Variants in PIK3C2G observed in about 807,000 individuals in gnomAD.
PIK3C2G encodes phosphatidylinositol-4-phosphate 3-kinase catalytic subunit type 2 gamma.
In PIK3C2G, 168 loss-of-function variants were observed where a neutral mutation model predicts 181.1. The observed-to-expected ratio is 0.93, with a 90% CI of 0.82 to 1.05. The LOEUF (loss-of-function observed/expected upper bound fraction) is 1.05, where lower values mean the gene tolerates loss of function less well. PIK3C2G is among the 50% of genes least tolerant of loss of function. PIK3C2G has a pLI of 0.00. For missense variants in PIK3C2G, 1,869 were observed against 1,732.8 expected, an observed-to-expected ratio of 1.08 and a Z score of -1.40; for synonymous variants, 573 against 592.2, an observed-to-expected ratio of 0.97 and a Z score of 0.47.
At chr12:18,530,537 A>C (rs573389698) in intron 24 of PIK3C2G, among the ~76,000 whole-genome samples, 3 of 152,266 alleles carry the variant, frequency 2.0e-5, no homozygotes, top group African/African-American at 7.2e-5. Flanking sequence ...TGTTCAATCC[A>C]TAACCACTTG....
chr12:18,266,109 C>T (rs1455295011), intron 1 of PIK3C2G, among the ~76,000 whole-genome samples: 1 of 148,444 alleles, frequency 6.7e-6, no homozygotes, highest in East Asian at 2.0e-4. Flanking sequence ...TATTTATCAT[C>T]ATTAGATGTC....
intron 32 of PIK3C2G, among the ~76,000 whole-genome samples, chr12:18,643,346 A>G (rs1949933688): frequency 6.6e-6 from 1 of 151,942 alleles, no homozygotes; most frequent in South Asian, 2.1e-4. Context: ...ATTGCTTCGA[A>G]AGCCATGGTC....
At chr12:18,347,339 A>G (rs1441376967) in intron 11 of PIK3C2G, among the ~76,000 whole-genome samples, 2 of 152,200 alleles carry the variant, frequency 1.3e-5, no homozygotes, top group Non-Finnish European at 2.9e-5. Context: ...AATGAACGAC[A>G]ATTACACATG....
chr12:18,497,767 G>C lies in PIK3C2G; in HGVS notation c.3016+19G>C, dbSNP rs1941132954. On this transcript the variant is annotated intron_variant, in intron 22 of 32. Coordinates refer to ENST00000538779, the MANE Select transcript of PIK3C2G (RefSeq NM_001288772.2). ...GACCAAGGTCAGTATAGATTAGAAA[G>C]TGCGCTGGCTCACATTATTTATTTC... The C allele has an allele frequency of 2.6e-6, 4 of 1,561,966 alleles. No homozygotes were observed. Among genetic ancestry groups the C allele is most frequent in the Non-Finnish European group, 3.5e-6 (4 of 1,150,084 alleles).
intron 5 of PIK3C2G, among the ~76,000 whole-genome samples, chr12:18,307,679 A>G (rs1026880417): frequency 8.6e-5 from 13 of 151,758 alleles, no homozygotes; most frequent in African/African-American, 2.7e-4. Flanking sequence ...CCTTTTTGAT[A>G]TCTAGAACTC....
chr12:18,365,613 C>T (rs1276549189), intron 12 of PIK3C2G, among the ~76,000 whole-genome samples: 1 of 152,162 alleles, frequency 6.6e-6, no homozygotes, highest in African/African-American at 2.4e-5. Flanking sequence ...TCTCCATGTC[C>T]TTCTCTTCTC....
intron 18 of PIK3C2G, among the ~76,000 whole-genome samples, chr12:18,432,740 TG>T (rs1228765154): frequency 1.3e-5 from 2 of 152,188 alleles, no homozygotes; most frequent in Admixed American, 6.5e-5. Flanking sequence ...TGAAGCCAAA[TG>T]GGACTTGAAG....
At chr12:18,699,769 A>C in the PIK3C2G span, 1 of 1,598,268 alleles carries the variant, frequency 6.3e-7, no homozygotes. Flanking sequence ...TAAACATTTC[A>C]TCTATTTGAG....
intron 31 of PIK3C2G, among the ~76,000 whole-genome samples, chr12:18,635,508 C>G (rs751132066): frequency 4.1e-4 from 63 of 152,178 alleles, no homozygotes; most frequent in Non-Finnish European, 1.0e-4. Flanking sequence ...GTTGAGCATT[C>G]AGTCACCACT....
At chr12:18,590,294 A>G (rs1947010189) in intron 29 of PIK3C2G, among the ~76,000 whole-genome samples, 1 of 151,926 alleles carries the variant, frequency 6.6e-6, no homozygotes, top group Non-Finnish European at 1.5e-5. Flanking sequence ...GGATGGCCAC[A>G]TACTTTCCGA....
chr12:18,369,562 T>A (rs1444321125), intron 12 of PIK3C2G, among the ~76,000 whole-genome samples: 1 of 19,024 alleles, frequency 5.3e-5, no homozygotes, highest in Admixed American at 8.0e-4. Context: ...TATGATCATA[T>A]AACGATCGTA....
intron 1 of PIK3C2G, among the ~76,000 whole-genome samples, chr12:18,270,219 T>A (rs1385234004): frequency 6.6e-6 from 1 of 152,170 alleles, no homozygotes; most frequent in Non-Finnish European, 1.5e-5. Context: ...CCGACAAGTT[T>A]TTCTTATATA....
chr12:18,464,111 A>G (rs190304284), intron 18 of PIK3C2G, among the ~76,000 whole-genome samples: 39 of 152,222 alleles, frequency 2.6e-4, no homozygotes, highest in African/African-American at 8.9e-4. Context: ...ACTTTAGTGA[A>G]TGAAAGAAAT....
Position 18,562,734 on chromosome 12 carries a change from G to A in PIK3C2G, c.3622G>A (p.Val1208Ile), listed in dbSNP as rs1181902869. The A allele has an allele frequency of 1.2e-6, 2 of 1,603,788 alleles. No individual in the cohort carries two copies. The highest frequency in any genetic ancestry group is 8.5e-7 in the Non-Finnish European group (1 of 1,174,138). Residue 1208 changes from valine to isoleucine, a missense_variant, in exon 27 of 33, where the codon GTT becomes ATT. Coordinates refer to ENST00000538779, the MANE Select transcript of PIK3C2G (RefSeq NM_001288772.2). ...AAAGGAAAGTCTGGAGTGTTTCCCT[G>A]TTAAATTGAATAACTTGATCCACAC... is the stretch of plus-strand genomic sequence containing the variant. The part of the protein sequence containing the change: ...KIKESLECFP[V>I]KLNNLIHTLA...
At chr12:18,698,052 G>C in the PIK3C2G span, among the ~76,000 whole-genome samples, 1 of 151,752 alleles carries the variant, frequency 6.6e-6, no homozygotes, top group East Asian at 1.9e-4. Context: ...TACAGGTCCT[G>C]TCCTCATGAA....
chr12:18,706,193 T>C, the PIK3C2G span, among the ~76,000 whole-genome samples: 4 of 150,894 alleles, frequency 2.7e-5, no homozygotes, highest in Non-Finnish European at 5.9e-5. Context: ...GATTGCACCA[T>C]TGCACTCCAG....
At chr12:18,313,000 A>C (rs2137397609) in intron 5 of PIK3C2G, among the ~76,000 whole-genome samples, 1 of 152,262 alleles carries the variant, frequency 6.6e-6, no homozygotes, top group East Asian at 1.9e-4. Context: ...AAGTAAAATT[A>C]TCATCTTAAG....
At chr12:18,701,503 T>C in the PIK3C2G span, 2 of 1,614,104 alleles carry the variant, frequency 1.2e-6, no homozygotes, top group South Asian at 1.1e-5. Context: ...CACCTCACCT[T>C]CTTTTTCTTG....
At chr12:18,408,178 AG>A (rs1227316943) in intron 16 of PIK3C2G, among the ~76,000 whole-genome samples, 6 of 152,106 alleles carry the variant, frequency 3.9e-5, no homozygotes, top group Non-Finnish European at 7.4e-5. Flanking sequence ...GTTTTCTTCT[AG>A]GGTTTTTATG....
Sources: allele counts gnomAD v4.1 joint callset (sites outside exome capture counted in the v4.1 genomes callset), GRCh38; gene constraint gnomAD v4.1.1; transcripts MANE v1.5; gene names NCBI Gene and HGNC (gene_info 2026-07-23, HGNC 2026-07-21).